The following BLOC1S2 variants were observed in gnomAD, a reference collection of about 807,000 sequenced individuals.
The protein encoded by BLOC1S2 is biogenesis of lysosomal organelles complex 1 subunit 2.
A neutral mutation model predicts 19.6 loss-of-function variants in BLOC1S2; 12 were observed. The observed-to-expected ratio is 0.61, with a 90% CI of 0.39 to 0.99. The LOEUF is 0.99. Ranked by LOEUF, BLOC1S2 falls within the 50% of genes least tolerant of loss-of-function variation. The probability of loss-of-function intolerance (pLI) is 0.00; values close to 1 mark genes in which losing one functional copy is unlikely to be tolerated. For synonymous variants in BLOC1S2, 66 were observed against 64.1 expected (o/e 1.03, Z -0.14); for missense variants, 142 against 171.0 (o/e 0.83, Z 0.95).
Position 100,275,118 on chromosome 10 carries a change from T to A in BLOC1S2, c.*344A>T. The stretch of plus-strand genomic sequence containing the variant: ...AAAAACCAGCCACTTAAGAAAATAA[T>A]GTAGTAATCAACCACTACCAGAGAA... On this transcript the variant is annotated 3_prime_UTR_variant, in exon 5 of 5. Transcript: ENST00000370372. 2.5e-6 allele frequency: 1 copy of A among 402,172 alleles called. No homozygotes were observed. Among genetic ancestry groups the A allele is most frequent in the East Asian group, 3.5e-5 (1 of 28,254 alleles). 24.9% of individuals were successfully genotyped at this position (402,172 alleles called of 1,614,324 possible).
In BLOC1S2 at chr10:100,274,587, C is replaced by T. The variant is rs1184678304; in HGVS notation, c.*875G>A. On this transcript the variant is annotated 3_prime_UTR_variant, in exon 5 of 5. Coordinates refer to ENST00000370372, the MANE Select transcript of BLOC1S2 (RefSeq NM_173809.5). The stretch of plus-strand genomic sequence containing the variant: ...TTGTGTTCTGGGTAAGGCTGCCTAT[C>T]TTTCAACCTAGACTGGTCAGTCAGT... 5.8e-6 allele frequency: 1 copy of T among 172,944 alleles called. No individual in the cohort carries two copies. Among genetic ancestry groups the T allele is most frequent in the Non-Finnish European group, 1.2e-5 (1 of 82,310 alleles). The allele number at this position is 172,944 out of a possible 1,614,324, so 10.7% of individuals were successfully genotyped here. A position where few individuals can be genotyped will look rare whatever the true frequency, so the allele number is the denominator to read the frequency against.
At chr10:100,286,472 G>C (rs1848244586) in intron 1 of BLOC1S2, 133 bp downstream of exon 1, 2 of 1,488,996 alleles carry the variant, frequency 1.3e-6, no homozygotes, top group Non-Finnish European at 9.0e-7. Flanking sequence ...ACAAACACTC[G>C]CGCGCAGCGA....
At chr10:100,278,448 A>G (rs1156798603) in intron 4 of BLOC1S2, among the ~76,000 whole-genome samples, 3 of 151,468 alleles carry the variant, frequency 2.0e-5, no homozygotes, top group East Asian at 2.0e-4. Context: ...CTGTGTAGAA[A>G]GAAGTAGACA....
intron 2 of BLOC1S2, chr10:100,283,039 GA>G: frequency 2.5e-6 from 1 of 398,070 alleles, no homozygotes; most frequent in East Asian, 3.6e-5. Flanking sequence ...CAAGTCACCT[GA>G]GTTCCCTAGT....
chr10:100,285,998 G>T, intron 2 of BLOC1S2, 99 bp downstream of exon 2: 1 of 1,489,800 alleles, frequency 6.7e-7, no homozygotes, highest in Non-Finnish European at 9.1e-7. Context: ...CTGTCTCAGG[G>T]CATGCAGGGT....
At chr10:100,285,125 C>G (rs1362206303) in intron 2 of BLOC1S2, among the ~76,000 whole-genome samples, 1 of 152,058 alleles carries the variant, frequency 6.6e-6, no homozygotes, top group African/African-American at 2.4e-5. Context: ...TATTCTGTAT[C>G]AAGCCTTTTC....
Position 100,275,124 on chromosome 10 carries a change from A to C in BLOC1S2, c.*338T>G. ...CAGCCACTTAAGAAAATAATGTAGTAATCAACCACTACCAGAGAAAATAGG... is the reference window on the plus strand; with the variant it reads ...CAGCCACTTAAGAAAATAATGTAGTCATCAACCACTACCAGAGAAAATAGG... On this transcript the variant is annotated 3_prime_UTR_variant, in exon 5 of 5. Coordinates refer to ENST00000370372, the MANE Select transcript of BLOC1S2 (RefSeq NM_173809.5). The C allele has an allele frequency of 2.5e-6, 1 of 402,832 alleles. No individual in the cohort carries two copies. Among genetic ancestry groups the C allele is most frequent in the Non-Finnish European group, 4.4e-6 (1 of 228,282 alleles). 25.0% of individuals were successfully genotyped at this position (402,832 alleles called of 1,614,324 possible). A position where few individuals can be genotyped will look rare whatever the true frequency, so the allele number is the denominator to read the frequency against.
intron 2 of BLOC1S2, among the ~76,000 whole-genome samples, chr10:100,281,502 G>A (rs1021768800): frequency 6.6e-6 from 1 of 151,996 alleles, no homozygotes; most frequent in African/African-American, 2.4e-5. Context: ...GGCCAAGATA[G>A]TGAAACCCCA....
chr10:100,281,417 G>GATATTATATTAT (rs1848098304), intron 2 of BLOC1S2, among the ~76,000 whole-genome samples: 2 of 152,110 alleles, frequency 1.3e-5, no homozygotes, highest in Admixed American at 6.6e-5. Flanking sequence ...TGGGCGCGGT[G>GATATTATATTAT]GCTCATGCGT....
In BLOC1S2 at chr10:100,280,018, A is replaced by G. The variant is rs552283118; in HGVS notation, c.397+106T>C. 221 of 651,228 alleles carry G rather than the reference A, an allele frequency of 3.4e-4. 5 individuals are homozygous for G. In the South Asian group the frequency reaches 6.8e-3, roughly 20 times the overall value. The allele number at this position is 651,228 out of a possible 1,614,324, so 40.3% of individuals were successfully genotyped here. On this transcript the variant is annotated intron_variant, in intron 4 of 4. Transcript: ENST00000370372. The stretch of plus-strand genomic sequence containing the variant: ...AAATTACTAAGGTTTTGTGAAGATT[A>G]ATAGATCACTGTAGGCACACCATAA...
At chr10:100,275,690 G>A (rs1847831914) in intron 4 of BLOC1S2, among the ~76,000 whole-genome samples, 197 bp from the exon 5 acceptor site, 1 of 152,176 alleles carries the variant, frequency 6.6e-6, no homozygotes, top group Admixed American at 6.5e-5. Flanking sequence ...CAGACACTCA[G>A]AACTGAGAGC....
chr10:100,281,089 A>T, intron 2 of BLOC1S2, 36 bp from the exon 3 acceptor site: 1 of 1,607,226 alleles, frequency 6.2e-7, no homozygotes, highest in Non-Finnish European at 8.5e-7. Context: ...TGTCTTTAAG[A>T]TTTGTCTTAA....
At chr10:100,283,497 T>A (rs1410755824) in intron 2 of BLOC1S2, among the ~76,000 whole-genome samples, 1 of 152,090 alleles carries the variant, frequency 6.6e-6, no homozygotes, top group African/African-American at 2.4e-5. Context: ...TTCATCTGAA[T>A]TATTGCTCAT....
rs1848243157 is a variant in BLOC1S2 at position 100,286,435 on chromosome 10, T to A, written c.55+170A>T. On this transcript the variant is annotated intron_variant, in intron 1 of 4. Transcript: ENST00000370372. ...CCATACCCGGCACCCCCGCTCATCC[T>A]GGCACCATCCCAGTCACCCTGACAG... is the stretch of plus-strand genomic sequence containing the variant. The A allele has an allele frequency of 2.7e-6, 4 of 1,473,880 alleles. No homozygotes were observed. In the East Asian group the frequency reaches 1.0e-4, roughly 37 times the overall value. The allele number at this position is 1,473,880 out of a possible 1,614,324, so 91.3% of individuals were successfully genotyped here.
intron 4 of BLOC1S2, among the ~76,000 whole-genome samples, chr10:100,279,845 C>T (rs1848057585): frequency 6.6e-6 from 1 of 152,130 alleles, no homozygotes; most frequent in African/African-American, 2.4e-5. Context: ...CGCACCATTG[C>T]ACTCCAGCTT....
intron 3 of BLOC1S2, 63 bp from the exon 4 acceptor site, chr10:100,280,291 A>G: frequency 1.4e-6 from 2 of 1,429,430 alleles, no homozygotes; most frequent in Non-Finnish European, 1.9e-6. Context: ...ATAGGAAAAG[A>G]GTGGAAAAGT....
At chr10:100,286,385 T>A in intron 1 of BLOC1S2, 172 bp from the exon 2 acceptor site, 1 of 1,454,300 alleles carries the variant, frequency 6.9e-7, no homozygotes, top group East Asian at 2.5e-5. Flanking sequence ...ACACATCAAC[T>A]CGCCTCCCTC....
At position 100,281,409 on chromosome 10, in the gene BLOC1S2, G is replaced by C. The variant is rs1848097765; in HGVS notation, c.173-356C>G. Among the ~76,000 whole-genome samples the C allele has an allele frequency of 3.9e-5, 6 of 152,166 alleles. No homozygotes were observed. In the South Asian group the frequency reaches 1.2e-3, roughly 32 times the overall value. On this transcript the variant is annotated intron_variant, in intron 2 of 4. Transcript: ENST00000370372. ...ATATAATATATATACTATCAGGCTG[G>C]GCGCGGTGGCTCATGCGTGTAATCC...
intron 1 of BLOC1S2, 180 bp from the exon 2 acceptor site, chr10:100,286,393 C>T (rs1381551941): frequency 1.4e-6 from 2 of 1,457,590 alleles, no homozygotes; most frequent in African/African-American, 1.4e-5. Flanking sequence ...ACTCGCCTCC[C>T]TCGCACCGCC....
Sources: allele counts gnomAD v4.1 joint callset (sites outside exome capture counted in the v4.1 genomes callset), GRCh38; gene constraint gnomAD v4.1.1; transcripts MANE v1.5; gene names NCBI Gene and HGNC (gene_info 2026-07-23, HGNC 2026-07-21).